NTRK2: variants seen among roughly 807,000 people sequenced by gnomAD.
The protein encoded by NTRK2 is BDNF/NT-3 growth factors receptor.
Under a neutral mutation model 94.5 loss-of-function variants are expected in NTRK2, and 13 were observed. That is an observed-to-expected ratio of 0.14 (90% confidence interval 0.09 to 0.22). NTRK2 has a LOEUF of 0.22. Among genes scored for constraint, NTRK2 ranks in the 10% least tolerant of loss-of-function variants. The pLI, the probability that NTRK2 is intolerant of heterozygous loss-of-function variation, is 1.00. For missense variants in NTRK2, 639 were observed against 1,071.2 expected (o/e 0.60, Z 5.63); for synonymous variants, 372 against 407.4 (o/e 0.91, Z 1.05).
At chr9:84,994,815 T>C (rs1829541281) in intron 17 of NTRK2, among the ~76,000 whole-genome samples, 1 of 152,188 alleles carries the variant, frequency 6.6e-6, no homozygotes, top group African/African-American at 2.4e-5. Flanking sequence ...ATTTGTTGAG[T>C]GAACAAAATC....
At chr9:84,743,438 G>C (rs1351257685) in intron 10 of NTRK2, among the ~76,000 whole-genome samples, 1 of 151,894 alleles carries the variant, frequency 6.6e-6, no homozygotes, top group Non-Finnish European at 1.5e-5. Context: ...TTTAAGTTGG[G>C]GAATAATATT....
rs899620146 is a variant in NTRK2, at chr9:84,812,851, G to T, written c.1397-48189G>T. The T allele has an allele frequency of 1.1e-5, 11 of 1,035,546 alleles. No homozygotes were observed. The African/African-American group carries it at 1.8e-4, about 17-fold the overall frequency. 64.1% of individuals were successfully genotyped at this position (1,035,546 alleles called of 1,614,324 possible). ...GTTTTAAAATGGAGAGAAGTGGACAGATAAGGCCATTTAATATATCAAAGA... is the reference window on the plus strand; with the variant it reads ...GTTTTAAAATGGAGAGAAGTGGACATATAAGGCCATTTAATATATCAAAGA... On this transcript the variant is annotated intron_variant, in intron 12 of 18. Transcript: ENST00000277120.
At chr9:84,739,071 G>T (rs1238795442) in intron 9 of NTRK2, among the ~76,000 whole-genome samples, 1 of 151,990 alleles carries the variant, frequency 6.6e-6, no homozygotes, top group African/African-American at 2.4e-5. Context: ...TTATTTTTGA[G>T]TCAGAATCTC....
chr9:84,705,343 C>T (rs1171572709), intron 4 of NTRK2, among the ~76,000 whole-genome samples: 5 of 152,158 alleles, frequency 3.3e-5, no homozygotes, highest in Non-Finnish European at 5.9e-5. Flanking sequence ...TTTGTGTTTT[C>T]CAGGGACTTT....
chr9:84,697,670 G>A (rs2060469351), intron 2 of NTRK2, among the ~76,000 whole-genome samples: 1 of 152,216 alleles, frequency 6.6e-6, no homozygotes, highest in African/African-American at 2.4e-5. Context: ...GGCCAGGGCT[G>A]TGGAGATCCT....
At chr9:84,739,324 T>G (rs1240358170) in intron 9 of NTRK2, among the ~76,000 whole-genome samples, 1 of 152,240 alleles carries the variant, frequency 6.6e-6, no homozygotes, top group Non-Finnish European at 1.5e-5. Context: ...GTGTTGGGAT[T>G]ACAGGTGTGA....
At chr9:84,916,280 G>A (rs1205775060) in intron 14 of NTRK2, among the ~76,000 whole-genome samples, 2 of 152,130 alleles carry the variant, frequency 1.3e-5, no homozygotes, top group Non-Finnish European at 2.9e-5. Flanking sequence ...GAGCCTAGAA[G>A]GATGTAGCTA....
intron 12 of NTRK2, among the ~76,000 whole-genome samples, chr9:84,840,110 A>G (rs17329606): frequency 0.014 from 2,122 of 152,120 alleles, 18 homozygotes; most frequent in Middle Eastern, 0.02. Flanking sequence ...ATTAGGAAAA[A>G]TAGCCAGCCA....
intron 17 of NTRK2, among the ~76,000 whole-genome samples, chr9:84,988,587 G>A (rs748570727): frequency 4.6e-5 from 7 of 152,318 alleles, no homozygotes; most frequent in East Asian, 1.9e-4. Flanking sequence ...ACCCTGATGC[G>A]GCGAGGGAAA....
chr9:84,961,082 A>C (rs1824867330), intron 17 of NTRK2, among the ~76,000 whole-genome samples: 1 of 152,202 alleles, frequency 6.6e-6, no homozygotes, highest in African/African-American at 2.4e-5. Context: ...CGTTGCAGTG[A>C]AGAGCCCAGG....
intron 12 of NTRK2, among the ~76,000 whole-genome samples, chr9:84,856,670 T>A (rs991602246): frequency 8.5e-5 from 13 of 152,200 alleles, no homozygotes; most frequent in Admixed American, 3.9e-4. Flanking sequence ...CCTAAGAAGT[T>A]GGAGGTGAAG....
At chr9:84,966,653 G>A (rs1000633472) in intron 17 of NTRK2, among the ~76,000 whole-genome samples, 25 of 152,122 alleles carry the variant, frequency 1.6e-4, no homozygotes, top group Admixed American at 7.2e-4. Context: ...GGCTGGTCTC[G>A]AACTCCTGGC....
At chr9:84,811,316 A>G (rs2071759160) in intron 12 of NTRK2, 6 of 1,066,220 alleles carry the variant, frequency 5.6e-6, no homozygotes, top group Non-Finnish European at 6.8e-6. Context: ...AAAAACGTTT[A>G]AAAAGAAGAA....
chr9:84,882,396 G>T (rs1367766237), intron 14 of NTRK2, among the ~76,000 whole-genome samples: 2 of 152,166 alleles, frequency 1.3e-5, no homozygotes, highest in African/African-American at 2.4e-5. Context: ...AATGGTAAAG[G>T]CCAGGCCAGA....
chr9:84,769,463 A>G (rs1352250492), intron 12 of NTRK2, among the ~76,000 whole-genome samples: 3 of 152,206 alleles, frequency 2.0e-5, no homozygotes, highest in Admixed American at 6.5e-5. Flanking sequence ...TTTTTAAATG[A>G]CAAGAATTTA....
rs1213754719 is a variant in NTRK2, at chr9:85,021,868, A to G, written c.*431A>G. ...ACCACAACTAACAATGCCTTGTTGT[A>G]TTCCTGCCTTTGATGTGGATGAAAA... is the stretch of plus-strand genomic sequence containing the variant. On this transcript the variant is annotated 3_prime_UTR_variant, in exon 19 of 19. Coordinates refer to ENST00000277120, the MANE Select transcript of NTRK2 (RefSeq NM_006180.6). 4 of 276,782 alleles carry G rather than the reference A, an allele frequency of 1.4e-5. No homozygotes were observed. The East Asian group carries it at 2.1e-4, about 15-fold the overall frequency. The allele number at this position is 276,782 out of a possible 1,614,324, so 17.1% of individuals were successfully genotyped here.
intron 14 of NTRK2, among the ~76,000 whole-genome samples, chr9:84,923,913 AAC>A (rs1000509028): frequency 8.5e-5 from 13 of 152,062 alleles, no homozygotes; most frequent in African/African-American, 2.9e-4. Context: ...CAAAAAAAAA[AAC>A]AACAAAAACA....
At chr9:84,880,690 G>A (rs1336106972) in intron 14 of NTRK2, among the ~76,000 whole-genome samples, 1 of 152,174 alleles carries the variant, frequency 6.6e-6, no homozygotes, top group Non-Finnish European at 1.5e-5. Flanking sequence ...AGACACACAT[G>A]TTGACCAATA....
chr9:84,864,366 G>C (rs147525593), intron 13 of NTRK2, among the ~76,000 whole-genome samples: 3 of 152,200 alleles, frequency 2.0e-5, no homozygotes, highest in African/African-American at 7.2e-5. Context: ...AGGGTGGGAG[G>C]GGGGTGAGGG....
Sources: gnomAD v4.1 joint callset for allele counts (sites outside exome capture counted in the v4.1 genomes callset) on GRCh38, gnomAD v4.1.1 for gene constraint, MANE v1.5 for transcripts, NCBI Gene and HGNC (gene_info 2026-07-23, HGNC 2026-07-21) for gene names.